The following ANK2 variants were observed in gnomAD, a reference collection of about 807,000 sequenced individuals.
The protein encoded by ANK2 is ankyrin 2.
In ANK2, 83 loss-of-function variants were observed where a neutral mutation model predicts 360.5. That is an observed-to-expected ratio of 0.23 (90% CI 0.19 to 0.28). The LOEUF (loss-of-function observed/expected upper bound fraction) is 0.28. Ranked by LOEUF, ANK2 falls within the 10% of genes least tolerant of loss-of-function variation. The pLI is 1.00. For synonymous variants in ANK2, 1,740 were observed against 1,759.5 expected, an observed-to-expected ratio of 0.99 and a Z score of 0.28; for missense variants, 4,201 against 4,795.7, an observed-to-expected ratio of 0.88 and a Z score of 3.66.
intron 2 of ANK2, among the ~76,000 whole-genome samples, chr4:112,962,210 A>G (rs1165378467): frequency 6.6e-6 from 1 of 152,068 alleles, no homozygotes; most frequent in Non-Finnish European, 1.5e-5. Context: ...TCTACCCTCT[A>G]GTAGTCTGCA....
chr4:113,119,880 C>T (rs189243422), intron 1 of ANK2, among the ~76,000 whole-genome samples: 211 of 151,154 alleles, frequency 1.4e-3, no homozygotes, highest in Non-Finnish European at 2.4e-3. Context: ...TGTAAACTTA[C>T]TGTTAATTAA....
At chr4:112,793,706 CTTTTT>C in the ANK2 span, among the ~76,000 whole-genome samples, 2 of 134,778 alleles carry the variant, frequency 1.5e-5, no homozygotes, top group African/African-American at 2.7e-5. Flanking sequence ...ATTTTCTTTT[CTTTTT>C]TTTTTTTTTT....
At chr4:112,992,808 A>G (rs1214365865) in intron 2 of ANK2, among the ~76,000 whole-genome samples, 1 of 152,160 alleles carries the variant, frequency 6.6e-6, no homozygotes, top group Non-Finnish European at 1.5e-5. Flanking sequence ...TTTAACATAT[A>G]CATTTTGGGA....
At chr4:112,744,157 T>C in the ANK2 span, among the ~76,000 whole-genome samples, 2 of 152,008 alleles carry the variant, frequency 1.3e-5, no homozygotes, top group Admixed American at 6.6e-5. Flanking sequence ...AAAACTGTGA[T>C]TACTTTTGCA....
intron 1 of ANK2, among the ~76,000 whole-genome samples, chr4:112,833,812 T>C (rs2060390345): frequency 6.6e-6 from 1 of 152,220 alleles, no homozygotes; most frequent in South Asian, 2.1e-4. Context: ...CGGAATGATT[T>C]ATGTTTTAAA....
intron 29 of ANK2, among the ~76,000 whole-genome samples, chr4:113,334,866 T>G (rs1292071296): frequency 6.6e-6 from 1 of 151,562 alleles, no homozygotes; most frequent in Non-Finnish European, 1.5e-5. Flanking sequence ...ACTAGAAAGT[T>G]AAAGATTTGT....
chr4:113,139,509 G>A (rs1163884770), intron 1 of ANK2, among the ~76,000 whole-genome samples: 1 of 152,194 alleles, frequency 6.6e-6, no homozygotes, highest in Non-Finnish European at 1.5e-5. Context: ...TAGTTCATCA[G>A]TTTGGGGGGA....
rs377555678 is a variant in ANK2 at position 113,373,397 on chromosome 4, A to C, written c.11807A>C (p.Tyr3936Ser). The change falls in exon 45 of 46, where the codon TAT (tyrosine) becomes TCT (serine). Residue 3936 changes from tyrosine (Y) to serine (S), a missense_variant. By Grantham distance (144) the Tyr-to-Ser change is moderately radical. Coordinates refer to ENST00000357077, the MANE Select transcript of ANK2 (RefSeq NM_001148.6). ...EPVNIEEGDG[Y>S]SKVIKRVVLK... ...GTCAACATCGAGGAAGGGGATGGCT[A>C]TTCCAAAGTTATAAAGCGTGTTGTA... The C allele has an allele frequency of 3.7e-6, 6 of 1,614,102 alleles. No homozygotes were observed. In the South Asian group the frequency reaches 4.4e-5, roughly 12 times the overall value.
At chr4:113,023,463 G>A (rs1405080295) in intron 2 of ANK2, among the ~76,000 whole-genome samples, 2 of 152,146 alleles carry the variant, frequency 1.3e-5, no homozygotes, top group Admixed American at 1.3e-4. Context: ...GGTGCAGAGA[G>A]GTCTACTCTG....
upstream of ANK2, among the ~76,000 whole-genome samples, chr4:113,045,319 C>A (rs2064006587): frequency 6.6e-6 from 1 of 152,190 alleles, no homozygotes; most frequent in African/African-American, 2.4e-5. Context: ...TCATTGTCAT[C>A]TGACAGCGGT....
rs755241369 is a variant in ANK2, at chr4:113,274,568, G to T, written c.1602G>T (p.Leu534=). 43 of 1,614,068 alleles carry T rather than the reference G, an allele frequency of 2.7e-5. No homozygotes were observed. The highest frequency in any genetic ancestry group is 3.6e-5 in the Non-Finnish European group (43 of 1,180,048). The part of the protein sequence containing the change: ...DAATTNGYTP[L]HISAREGQVD... ...CCACTACAAATGGGTACACACCACT[G>T]CACATCTCTGCCCGGGAGGGCCAGG... Residue 534 remains leucine, a synonymous_variant, in exon 15 of 46, where the codon CTG becomes CTT. Coordinates refer to ENST00000357077, the MANE Select transcript of ANK2 (RefSeq NM_001148.6).
the ANK2 span, among the ~76,000 whole-genome samples, chr4:112,720,912 A>T: frequency 1.3e-5 from 2 of 152,226 alleles, no homozygotes; most frequent in Non-Finnish European, 2.9e-5. Context: ...TGGTTCCATG[A>T]TTTAGAAGTT....
chr4:113,070,094 TC>T (rs1268023831), intron 1 of ANK2: 1 of 152,150 alleles, frequency 6.6e-6, no homozygotes, highest in Non-Finnish European at 1.5e-5. Flanking sequence ...CATATATTGT[TC>T]CTGATCCTGC....
At chr4:113,300,620 G>A (rs1173073477) in intron 22 of ANK2, among the ~76,000 whole-genome samples, 1 of 152,144 alleles carries the variant, frequency 6.6e-6, no homozygotes, top group African/African-American at 2.4e-5. Context: ...ACATTCACTG[G>A]GGAGGATCAG....
chr4:112,901,648 G>T (rs1210260586), intron 1 of ANK2, among the ~76,000 whole-genome samples: 1 of 152,020 alleles, frequency 6.6e-6, no homozygotes, highest in Non-Finnish European at 1.5e-5. Flanking sequence ...GGACCATGAG[G>T]TCAGGAGTTC....
chr4:112,709,746 C>T, the ANK2 span, among the ~76,000 whole-genome samples: 16 of 151,298 alleles, frequency 1.1e-4, no homozygotes, highest in Non-Finnish European at 1.0e-4. Flanking sequence ...AAAACAGTCT[C>T]AAAAAAGAAA....
intron 1 of ANK2, among the ~76,000 whole-genome samples, chr4:112,821,014 C>T (rs151244421): frequency 9.2e-5 from 14 of 152,100 alleles, no homozygotes; most frequent in East Asian, 1.9e-4. Context: ...CGGGTTCAAG[C>T]GATTCTCCTG....
intron 5 of ANK2, among the ~76,000 whole-genome samples, chr4:113,233,818 TC>T (rs2099349687): frequency 1.3e-5 from 2 of 152,166 alleles, no homozygotes; most frequent in Admixed American, 1.3e-4. Context: ...GTTTTTGAGT[TC>T]TCTATTCAAT....
chr4:113,048,276 ATTTT>A (rs1165941601), upstream of ANK2, among the ~76,000 whole-genome samples: 29 of 39,712 alleles, frequency 7.3e-4, no homozygotes, highest in African/African-American at 1.7e-3. Flanking sequence ...ATATATATAT[ATTTT>A]TTTTTTTTTT....
Sources: gnomAD v4.1 joint callset for allele counts (sites outside exome capture counted in the v4.1 genomes callset) on GRCh38, gnomAD v4.1.1 for gene constraint, MANE v1.5 for transcripts, NCBI Gene and HGNC (gene_info 2026-07-23, HGNC 2026-07-21) for gene names.